The following RALGDS variants were observed in gnomAD, a reference collection of about 807,000 sequenced individuals.
RALGDS encodes the protein ral guanine nucleotide exchange factor.
RALGDS carries 44 observed loss-of-function variants against 99.8 expected under a neutral mutation model. That is an observed-to-expected ratio of 0.44 (90% CI 0.35 to 0.57). The LOEUF (loss-of-function observed/expected upper bound fraction) is 0.57, where lower values mean the gene tolerates loss of function less well. RALGDS is among the 20% of genes least tolerant of loss of function. The pLI, the probability that RALGDS is intolerant of heterozygous loss-of-function variation, is 0.01. For missense variants in RALGDS, 1,022 were observed against 1,203.1 expected, an observed-to-expected ratio of 0.85 and a Z score of 2.23; for synonymous variants, 529 against 505.0, an observed-to-expected ratio of 1.05 and a Z score of -0.64.
chr9:133,131,294 CTGGGGTGGGG>C (rs1832327628), upstream of RALGDS: 1 of 19,490 alleles, frequency 5.1e-5, no homozygotes, highest in Non-Finnish European at 1.0e-4. Flanking sequence ...GTGGGCTGGG[CTGGGGTGGGG>C]GAGCATCAGA....
Position 133,102,508 on chromosome 9 carries a change from C to T in RALGDS, c.1977G>A (p.Lys659=). 6.2e-7 allele frequency: 1 copy of T among 1,614,156 alleles called. No homozygotes were observed. Among genetic ancestry groups the T allele is most frequent in the Non-Finnish European group, 8.5e-7 (1 of 1,180,032 alleles). Reference sequence around the variant, plus strand: ...AGCGCTTGACAATGGCTGTGTTCTTCTTGGTCCTGAGGGTGTTGCTGGCTG... The same window carrying T: ...AGCGCTTGACAATGGCTGTGTTCTTTTTGGTCCTGAGGGTGTTGCTGGCTG... ...SESASNTLRT[K]KNTAIVKRWS... is the part of the protein sequence containing the mutation. Residue 659 remains lysine (K), a synonymous_variant, in exon 14 of 18, where the codon AAG becomes AAA. Coordinates refer to ENST00000372050, the MANE Select transcript of RALGDS (RefSeq NM_006266.4).
rs140751236 is a variant in RALGDS, at chr9:133,101,995, G to A, written c.2154C>T (p.Asp718=). The A allele has an allele frequency of 4.7e-4, 727 of 1,552,162 alleles. 4 individuals carry two copies. In the African/African-American group the frequency reaches 7.9e-3, roughly 17 times the overall value. ...SVHSAGSSSS[D]VEEINISFVP... is the part of the protein sequence containing the mutation. ...CGAAGCTGATGTTGATCTCCTCCACGTCGGAGCTAGAGGAGCCGGCCGAGT... is the reference window on the plus strand; with the variant it reads ...CGAAGCTGATGTTGATCTCCTCCACATCGGAGCTAGAGGAGCCGGCCGAGT... Residue 718 remains aspartate (D), a synonymous_variant, in exon 15 of 18, where the codon GAC becomes GAT. Coordinates refer to ENST00000372050, the MANE Select transcript of RALGDS (RefSeq NM_006266.4).
intron 1 of RALGDS, among the ~76,000 whole-genome samples, chr9:133,139,472 C>T (rs1182786821): frequency 6.6e-6 from 1 of 152,166 alleles, no homozygotes; most frequent in Non-Finnish European, 1.5e-5. Flanking sequence ...TGCCCACTAC[C>T]CCCAGCTGTC....
chr9:133,124,219 C>T (rs1206512013), upstream of RALGDS, among the ~76,000 whole-genome samples: 3 of 151,276 alleles, frequency 2.0e-5, no homozygotes, highest in Admixed American at 1.3e-4. Context: ...GACAGAGACA[C>T]AGGCACACAC....
chr9:133,098,655 G>A lies in RALGDS; in HGVS notation c.2677C>T (p.His893Tyr). 6.2e-7 allele frequency: 1 copy of A among 1,614,164 alleles called. No homozygotes were observed. The highest frequency in any genetic ancestry group is 1.1e-5 in the South Asian group (1 of 91,084). Residue 893 changes from histidine (H) to tyrosine (Y), a missense_variant, in exon 18 of 18, where the codon CAC becomes TAC. Physicochemically the swap from His to Tyr is moderately conservative, Grantham distance 83. This residue lies in a region of RALGDS where 825 missense variants were observed against 994.5 expected (regional missense o/e 0.83). Transcript: ENST00000372050. ...CGAGGGAGGGTGGAGCTGGCTCCGT[G>A]CTTGACCTTCACTCCCTTGGTGAAG... ...RTFTKGVKVK[H>Y]GASSTLPRMK...
At chr9:133,127,991 A>G (rs962359232) in intron 1 of RALGDS, among the ~76,000 whole-genome samples, 2 of 152,194 alleles carry the variant, frequency 1.3e-5, no homozygotes, top group South Asian at 4.1e-4. Context: ...CCCTGCTGTC[A>G]TCCCTTGGAA....
intron 1 of RALGDS, chr9:133,129,310 C>A (rs1446711976): frequency 6.3e-7 from 1 of 1,587,238 alleles, no homozygotes; most frequent in South Asian, 1.1e-5. Flanking sequence ...GGCCTGCTTC[C>A]CGGGCCATGG....
At chr9:133,131,057 G>A (rs1832319511) in exon 1 of RALGDS, 1 of 1,522,478 alleles carries the variant, frequency 6.6e-7, no homozygotes, top group Non-Finnish European at 8.8e-7. Flanking sequence ...TGTGGGCAGG[G>A]GCTGTGGAGT....
Position 133,110,544 on chromosome 9 carries a change from G to A in RALGDS, c.295-55C>T, listed in dbSNP as rs760522139. On this transcript the variant is annotated intron_variant, in intron 2 of 17. Coordinates refer to ENST00000372050, the MANE Select transcript of RALGDS (RefSeq NM_006266.4). ...TCAGTGGCAGCACACGAATCTCCTGGAGCTCAGATGGAACCCCGAGCCCTC... is the reference window on the plus strand; with the variant it reads ...TCAGTGGCAGCACACGAATCTCCTGAAGCTCAGATGGAACCCCGAGCCCTC... The A allele has an allele frequency of 1.6e-4, 235 of 1,489,228 alleles. 1 individual carries two copies. The highest frequency in any genetic ancestry group is 2.1e-4 in the Non-Finnish European group (225 of 1,073,464). 92.3% of individuals were successfully genotyped at this position (1,489,228 alleles called of 1,614,324 possible).
At chr9:133,142,195 AG>A (rs1453556851) in intron 1 of RALGDS, among the ~76,000 whole-genome samples, 3 of 152,110 alleles carry the variant, frequency 2.0e-5, no homozygotes, top group African/African-American at 7.2e-5. Context: ...GGAAGGATCC[AG>A]GGGCAGAGTC....
rs1327797501 is a variant in RALGDS, at chr9:133,143,777, CAACAACAACAATAAT to C, written c.18+5171_18+5185del. The stretch of plus-strand genomic sequence containing the variant: ...ATAATAATAATAATAATAATAACAA[CAACAACAACAATAAT>C]AATAATAATAATAATAATAATAATA... On this transcript the variant is annotated intron_variant, in intron 1 of 17. Coordinates refer to the RALGDS transcript ENST00000393160. Among the ~76,000 whole-genome samples, 412 of 114,500 alleles carry C rather than the reference CAACAACAACAATAAT, an allele frequency of 3.6e-3. 7 individuals are homozygous for C. The highest frequency in any genetic ancestry group is 0.016 in the African/African-American group (402 of 25,556). 75.1% of individuals were successfully genotyped at this position (114,500 alleles called of 152,430 possible). A position where few individuals can be genotyped will look rare whatever the true frequency, so the allele number is the denominator to read the frequency against.
intron 13 of RALGDS, 77 bp from the exon 14 acceptor site, chr9:133,102,648 A>T: frequency 6.2e-7 from 1 of 1,604,040 alleles, no homozygotes. Context: ...CAGAAGCTGG[A>T]GTCGGGGTGC....
chr9:133,100,607 G>A (rs923186597), intron 16 of RALGDS: 2 of 1,421,786 alleles, frequency 1.4e-6, no homozygotes, highest in South Asian at 1.5e-5. Flanking sequence ...AATGAGGAGG[G>A]GTCTGTCCCA....
At chr9:133,129,633 T>C (rs1832272422) in intron 1 of RALGDS, among the ~76,000 whole-genome samples, 1 of 152,032 alleles carries the variant, frequency 6.6e-6, no homozygotes, top group African/African-American at 2.4e-5. Flanking sequence ...AGGTGACAGA[T>C]ACAAGTAACC....
At chr9:133,102,964 TG>T in intron 12 of RALGDS, 64 bp from the exon 13 acceptor site, 1 of 1,600,322 alleles carries the variant, frequency 6.2e-7, no homozygotes, top group Middle Eastern at 1.7e-4. Context: ...GGCCAGTCTC[TG>T]GGTCTTTGTT....
upstream of RALGDS, among the ~76,000 whole-genome samples, chr9:133,132,325 C>G (rs1213153435): frequency 6.6e-6 from 1 of 152,150 alleles, no homozygotes; most frequent in Non-Finnish European, 1.5e-5. Context: ...GGGTTGGTAT[C>G]CGAGCAGGGA....
In RALGDS at chr9:133,109,845, C is replaced by T. The variant is rs1474395129; in HGVS notation, c.489-124G>A. 8.0e-6 allele frequency: 6 copies of T among 748,254 alleles called. No homozygotes were observed. The East Asian group carries it at 1.1e-4, about 13-fold the overall frequency. 46.4% of individuals were successfully genotyped at this position (748,254 alleles called of 1,614,324 possible). A position where few individuals can be genotyped will look rare whatever the true frequency, so the allele number is the denominator to read the frequency against. On this transcript the variant is annotated intron_variant, in intron 3 of 17. Coordinates refer to ENST00000372050, the MANE Select transcript of RALGDS (RefSeq NM_006266.4). Reference sequence around the variant, plus strand: ...TTAAATGCCTAGAAAAGGGCCAGCACACAGTAGGTGCTTCATATATATTTG... The same window carrying T: ...TTAAATGCCTAGAAAAGGGCCAGCATACAGTAGGTGCTTCATATATATTTG...
At chr9:133,116,091 C>T (rs911739061) in intron 1 of RALGDS, among the ~76,000 whole-genome samples, 3 of 152,148 alleles carry the variant, frequency 2.0e-5, no homozygotes, top group Admixed American at 1.3e-4. Context: ...GTCATGAGCT[C>T]GGACCATGAG....
Position 133,100,256 on chromosome 9 carries a change from C to T in RALGDS, c.2569+12G>A. On this transcript the variant is annotated intron_variant, in intron 17 of 17. Coordinates refer to ENST00000372050, the MANE Select transcript of RALGDS (RefSeq NM_006266.4). Reference sequence around the variant, plus strand: ...GCCCCCTCTGCCATCGCCCTCTGGTCTTCTGACTTACTCCGGTCATCTGAG... The same window carrying T: ...GCCCCCTCTGCCATCGCCCTCTGGTTTTCTGACTTACTCCGGTCATCTGAG... The T allele has an allele frequency of 6.2e-7, 1 of 1,613,088 alleles. No homozygotes were observed. Among genetic ancestry groups the T allele is most frequent in the Non-Finnish European group, 8.5e-7 (1 of 1,179,028 alleles).
Sources: allele counts gnomAD v4.1 joint callset (sites outside exome capture counted in the v4.1 genomes callset), GRCh38; gene constraint gnomAD v4.1.1; regional missense constraint gnomAD v4.1.1; transcripts MANE v1.5; gene names NCBI Gene and HGNC (gene_info 2026-07-23, HGNC 2026-07-21).